Variants in CACNA2D1 observed in about 807,000 individuals in gnomAD.
CACNA2D1 encodes the protein calcium voltage-gated channel auxiliary subunit alpha2delta 1.
In CACNA2D1, 53 loss-of-function variants were observed where a neutral mutation model predicts 171.5. The ratio of observed to expected loss-of-function variants is 0.31; its 90% CI spans 0.25 to 0.39. CACNA2D1 has a LOEUF of 0.39. CACNA2D1 is among the 10% of genes least tolerant of loss of function. CACNA2D1 has a pLI of 1.00. For synonymous variants in CACNA2D1, 442 were observed against 443.1 expected, an observed-to-expected ratio of 1.00 and a Z score of 0.03; for missense variants, 903 against 1,299.8, an observed-to-expected ratio of 0.69 and a Z score of 4.69.
chr7:82,323,388 C>G (rs1019909072), intron 3 of CACNA2D1, among the ~76,000 whole-genome samples: 5 of 152,106 alleles, frequency 3.3e-5, no homozygotes, highest in Non-Finnish European at 7.3e-5. Flanking sequence ...AGTTTGATGA[C>G]TATCATCATA....
At chr7:82,392,494 G>A (rs188539482) in intron 1 of CACNA2D1, among the ~76,000 whole-genome samples, 1 of 152,314 alleles carries the variant, frequency 6.6e-6, no homozygotes, top group East Asian at 1.9e-4. Flanking sequence ...GTAATGCAGG[G>A]GGGCTGGGAC....
intron 10 of CACNA2D1, among the ~76,000 whole-genome samples, chr7:82,056,140 G>T (rs1355996295): frequency 6.6e-6 from 1 of 150,876 alleles, no homozygotes; most frequent in Non-Finnish European, 1.5e-5. Flanking sequence ...TGAACCAGAA[G>T]ATACTGAGAT....
chr7:82,141,919 T>C (rs1434594560), intron 4 of CACNA2D1, among the ~76,000 whole-genome samples: 1 of 152,224 alleles, frequency 6.6e-6, no homozygotes, highest in Non-Finnish European at 1.5e-5. Context: ...ATTAAAACTA[T>C]GGCATATAAA....
chr7:82,150,127 AG>A (rs1375619732), intron 4 of CACNA2D1, among the ~76,000 whole-genome samples: 3 of 152,006 alleles, frequency 2.0e-5, no homozygotes, highest in African/African-American at 7.2e-5. Flanking sequence ...TTGACTAGTT[AG>A]TAATGTGGCT....
intron 34 of CACNA2D1, among the ~76,000 whole-genome samples, chr7:81,963,068 A>T (rs926794995): frequency 2.6e-5 from 4 of 151,746 alleles, no homozygotes; most frequent in Non-Finnish European, 4.4e-5. Flanking sequence ...AATTTAGTTT[A>T]AAAAAAAGTG....
At chr7:82,250,827 A>C (rs1490532549) in intron 3 of CACNA2D1, among the ~76,000 whole-genome samples, 1 of 152,184 alleles carries the variant, frequency 6.6e-6, no homozygotes, top group Non-Finnish European at 1.5e-5. Context: ...GTCACATGAA[A>C]TAATTGCTTT....
chr7:82,356,349 G>A (rs1390738507), intron 1 of CACNA2D1, among the ~76,000 whole-genome samples: 2 of 152,142 alleles, frequency 1.3e-5, no homozygotes, highest in East Asian at 3.9e-4. Context: ...CCTTTGCTCT[G>A]TATATAACCT....
chr7:82,365,666 C>G (rs1302516992), intron 1 of CACNA2D1, among the ~76,000 whole-genome samples: 1 of 152,204 alleles, frequency 6.6e-6, no homozygotes, highest in East Asian at 1.9e-4. Flanking sequence ...TGCATCTCTA[C>G]ATTTTTAGCT....
chr7:82,109,810 TC>T (rs752564046), intron 6 of CACNA2D1, among the ~76,000 whole-genome samples: 5 of 152,152 alleles, frequency 3.3e-5, no homozygotes, highest in East Asian at 3.9e-4. Context: ...CTGCATGCAA[TC>T]CTCACTGCAC....
intron 3 of CACNA2D1, among the ~76,000 whole-genome samples, chr7:82,211,497 A>G (rs1318326628): frequency 6.6e-6 from 1 of 152,182 alleles, no homozygotes; most frequent in African/African-American, 2.4e-5. Context: ...ACTTAGGATA[A>G]TGGCTGCCAG....
chr7:81,961,478 T>A (rs746569894), intron 36 of CACNA2D1, among the ~76,000 whole-genome samples: 2 of 151,706 alleles, frequency 1.3e-5, no homozygotes, highest in Non-Finnish European at 2.9e-5. Flanking sequence ...TTAGTTACTA[T>A]ATAGAAAAAT....
intron 18 of CACNA2D1, among the ~76,000 whole-genome samples, chr7:81,997,616 ATT>A (rs1798178315): frequency 6.6e-6 from 1 of 151,336 alleles, no homozygotes. Flanking sequence ...TGGATGACTT[ATT>A]TGGTAATAAA....
intron 4 of CACNA2D1, among the ~76,000 whole-genome samples, chr7:82,150,454 A>G (rs1381448592): frequency 2.0e-5 from 3 of 151,478 alleles, no homozygotes; most frequent in African/African-American, 7.3e-5. Context: ...AATCTCTAGT[A>G]CATATTTTTG....
chr7:82,128,685 G>T (rs998404592), intron 5 of CACNA2D1, among the ~76,000 whole-genome samples: 1 of 152,070 alleles, frequency 6.6e-6, no homozygotes, highest in Non-Finnish European at 1.5e-5. Flanking sequence ...AAACACGAAA[G>T]AACAGTAGAA....
chr7:82,203,888 C>A lies in CACNA2D1; in HGVS notation c.295-33279G>T, dbSNP rs189350560. ...GATGCATTCATGGAAAATGACCCCC[C>A]AAACTGGGACGCACAGACATCCACT... On this transcript the variant is annotated intron_variant, in intron 3 of 38. Coordinates refer to ENST00000356860, the MANE Select transcript of CACNA2D1 (RefSeq NM_000722.4). 1.8e-4 allele frequency among the ~76,000 whole-genome samples: 27 copies of A among 152,298 alleles called. No homozygotes were observed. The East Asian group carries it at 4.3e-3, about 24-fold the overall frequency.
intron 10 of CACNA2D1, chr7:82,050,688 A>T (rs1190969173): frequency 4.3e-6 from 3 of 698,838 alleles, no homozygotes; most frequent in Non-Finnish European, 7.8e-6. Flanking sequence ...AATGTGAAAG[A>T]TTCATAAAGA....
rs1222514401 is a variant in CACNA2D1 at position 82,127,324 on chromosome 7, T to A, written c.396+9311A>T. 2.6e-5 allele frequency among the ~76,000 whole-genome samples: 4 copies of A among 152,218 alleles called. No homozygotes were observed. The East Asian group carries it at 7.7e-4, about 29-fold the overall frequency. On this transcript the variant is annotated intron_variant, in intron 5 of 38. Coordinates refer to ENST00000356860, the MANE Select transcript of CACNA2D1 (RefSeq NM_000722.4). The stretch of plus-strand genomic sequence containing the variant: ...TCCATAGTAAAAGCTAGCTTTATTA[T>A]TTCCTCTCTTCATTTTGCTTCCACT...
intron 3 of CACNA2D1, among the ~76,000 whole-genome samples, chr7:82,301,152 G>A (rs765048073): frequency 1.1e-4 from 16 of 152,104 alleles, no homozygotes; most frequent in Non-Finnish European, 2.1e-4. Context: ...GAGGGATGGA[G>A]TTTCACTCTT....
intron 1 of CACNA2D1, among the ~76,000 whole-genome samples, chr7:82,438,866 T>A (rs1830292611): frequency 6.6e-6 from 1 of 152,206 alleles, no homozygotes; most frequent in Admixed American, 6.5e-5. Context: ...TAATGGACCG[T>A]TGTCATTTTA....
Sources: allele counts gnomAD v4.1 joint callset (sites outside exome capture counted in the v4.1 genomes callset), GRCh38; gene constraint gnomAD v4.1.1; transcripts MANE v1.5; gene names NCBI Gene and HGNC (gene_info 2026-07-23, HGNC 2026-07-21).